The following KLHL32 variants were observed in gnomAD, a reference collection of about 807,000 sequenced individuals.
The protein encoded by KLHL32 is kelch like family member 32, also known as kelch-like protein 32.
KLHL32 carries 35 observed loss-of-function variants against 64.8 expected under a neutral mutation model. The observed-to-expected ratio is 0.54, with a 90% confidence interval of 0.41 to 0.72. The LOEUF is 0.72. Ranked by LOEUF, KLHL32 falls within the 30% of genes least tolerant of loss-of-function variation. The probability of loss-of-function intolerance (pLI) is 0.00; values close to 1 mark genes in which losing one functional copy is unlikely to be tolerated. For missense variants in KLHL32, 589 were observed against 768.5 expected (o/e 0.77, Z 2.76); for synonymous variants, 259 against 281.0 (o/e 0.92, Z 0.78).
chr6:96,976,314 G>A, intron 3 of KLHL32, 137 bp downstream of exon 3: 1 of 778,850 alleles, frequency 1.3e-6, no homozygotes, highest in Non-Finnish European at 1.9e-6. Context: ...TCTTTCCTGG[G>A]TAGAATGCTT....
Position 97,139,484 on chromosome 6 carries a change from T to C in KLHL32, c.*202T>C. On this transcript the variant is annotated 3_prime_UTR_variant, in exon 11 of 11. Coordinates refer to ENST00000369261, the MANE Select transcript of KLHL32 (RefSeq NM_052904.4). ...TCAGTGTATGTCAACATTCAATATG[T>C]ATGACTTTTATTGTGGTATAGCTTA... 1.8e-6 allele frequency: 1 copy of C among 543,886 alleles called. No individual in the cohort carries two copies. Among genetic ancestry groups the C allele is most frequent in the African/African-American group, 1.9e-5 (1 of 52,490 alleles). The allele number at this position is 543,886 out of a possible 1,614,324, so 33.7% of individuals were successfully genotyped here. A position where few individuals can be genotyped will look rare whatever the true frequency, so the allele number is the denominator to read the frequency against.
chr6:97,073,288 T>C (rs1232117040), intron 5 of KLHL32, among the ~76,000 whole-genome samples: 1 of 152,212 alleles, frequency 6.6e-6, no homozygotes, highest in African/African-American at 2.4e-5. Flanking sequence ...TCTTAGCCAC[T>C]TCTCTTTGAT....
chr6:97,100,966 C>CTTTTTTTTTTTTTTTTTTTTT lies in KLHL32; in HGVS notation c.628-12816_628-12796dup, dbSNP rs58422496. Among the ~76,000 whole-genome samples the CTTTTTTTTTTTTTTTTTTTTT allele has an allele frequency of 2.9e-5, 2 of 69,472 alleles. 1 individual carries two copies. Among genetic ancestry groups the CTTTTTTTTTTTTTTTTTTTTT allele is most frequent in the African/African-American group, 1.4e-4 (2 of 14,082 alleles). The allele number at this position is 69,472 out of a possible 152,430, so 45.6% of individuals were successfully genotyped here. A position where few individuals can be genotyped will look rare whatever the true frequency, so the allele number is the denominator to read the frequency against. On this transcript the variant is annotated intron_variant, in intron 6 of 10. Coordinates refer to ENST00000369261, the MANE Select transcript of KLHL32 (RefSeq NM_052904.4). ...ACAGGCATGTGCCACTGCAGCCAAGCTTTTTTTTTTTTTTTTTTTTTGGTA... is the reference window on the plus strand; with the variant it reads ...ACAGGCATGTGCCACTGCAGCCAAGCTTTTTTTTTTTTTTTTTTTTTTTTTTTTTTTTTTTTTTTTTTGGTA...
chr6:97,085,536 C>A (rs1322604579), intron 6 of KLHL32, among the ~76,000 whole-genome samples, 195 bp downstream of exon 6: 3 of 152,212 alleles, frequency 2.0e-5, no homozygotes, highest in Non-Finnish European at 2.9e-5. Context: ...GCGGACTCTG[C>A]CGCTTAACTC....
chr6:97,005,492 T>C lies in KLHL32; in HGVS notation c.204+29315T>C, dbSNP rs559176237. On this transcript the variant is annotated intron_variant, in intron 3 of 10. Coordinates refer to ENST00000369261, the MANE Select transcript of KLHL32 (RefSeq NM_052904.4). The stretch of plus-strand genomic sequence containing the variant: ...ATCTCAATTTCATTCGATTCAGCTC[T>C]GATTTTGGTTATTTCTTGTCTTCTG... 1.2e-3 allele frequency among the ~76,000 whole-genome samples: 188 copies of C among 152,340 alleles called. 3 individuals carry two copies. Among genetic ancestry groups the C allele is most frequent in the African/African-American group, 4.3e-3 (180 of 41,588 alleles).
At chr6:97,096,349 G>A (rs1307568803) in intron 6 of KLHL32, among the ~76,000 whole-genome samples, 2 of 152,146 alleles carry the variant, frequency 1.3e-5, no homozygotes, top group African/African-American at 2.4e-5. Context: ...GCTTTCCTTT[G>A]TTTTGCAGCA....
chr6:97,109,182 A>G lies in KLHL32; in HGVS notation c.628-4601A>G, dbSNP rs186522014. Among the ~76,000 whole-genome samples, 322 of 152,306 alleles carry G rather than the reference A, an allele frequency of 2.1e-3. 15 individuals are homozygous for G. In the South Asian group the frequency reaches 0.059, roughly 28 times the overall value. ...AGAAACCCCCGTGTAATTTGTGTACATGTTAAGTTTGTAGTTGGTGACAAG... is the reference window on the plus strand; with the variant it reads ...AGAAACCCCCGTGTAATTTGTGTACGTGTTAAGTTTGTAGTTGGTGACAAG... On this transcript the variant is annotated intron_variant, in intron 6 of 10. Transcript: ENST00000369261.
In KLHL32 at chr6:97,130,925, CGTT is replaced by C. The variant is rs1562367908; in HGVS notation, c.1585_1587del (p.Cys529del). On this transcript the variant is annotated inframe_deletion, in exon 9 of 11. Transcript: ENST00000369261. ...CAACATAGACACTGACCAGTGGACACGTTGTAATTTCAACCTGCTGACTGGCAA... is the reference window on the plus strand; with the variant it reads ...CAACATAGACACTGACCAGTGGACACGTAATTTCAACCTGCTGACTGGCAA... 3 of 1,611,868 alleles carry C rather than the reference CGTT, an allele frequency of 1.9e-6. No homozygotes were observed. Among genetic ancestry groups the C allele is most frequent in the Non-Finnish European group, 2.5e-6 (3 of 1,179,036 alleles).
At chr6:97,079,559 A>C (rs940583208) in intron 5 of KLHL32, among the ~76,000 whole-genome samples, 1 of 152,148 alleles carries the variant, frequency 6.6e-6, no homozygotes, top group African/African-American at 2.4e-5. Context: ...AAGAGGCCAC[A>C]CAGAAAGACT....
intron 3 of KLHL32, among the ~76,000 whole-genome samples, chr6:97,028,249 C>T (rs1224156996): frequency 6.6e-6 from 1 of 152,050 alleles, no homozygotes; most frequent in East Asian, 1.9e-4. Flanking sequence ...TTGGCAATAC[C>T]AATGCTGCTA....
chr6:97,133,501 G>A (rs1483191255), intron 10 of KLHL32, among the ~76,000 whole-genome samples: 1 of 152,146 alleles, frequency 6.6e-6, no homozygotes, highest in African/African-American at 2.4e-5. Flanking sequence ...TTTATGGGAA[G>A]ATTTTTAACA....
the KLHL32 span, among the ~76,000 whole-genome samples, chr6:96,899,282 C>G: frequency 1.3e-5 from 2 of 152,156 alleles, no homozygotes; most frequent in Non-Finnish European, 2.9e-5. Context: ...ATCTTTGATA[C>G]TTTTAAGCAT....
intron 3 of KLHL32, among the ~76,000 whole-genome samples, chr6:97,033,289 G>A (rs944662342): frequency 6.6e-6 from 1 of 152,078 alleles, no homozygotes; most frequent in Non-Finnish European, 1.5e-5. Flanking sequence ...GTCTTTCTGT[G>A]TCTAGTTTAT....
intron 1 of KLHL32, among the ~76,000 whole-genome samples, chr6:96,961,022 A>G (rs2128025318): frequency 6.6e-6 from 1 of 152,326 alleles, no homozygotes; most frequent in South Asian, 2.1e-4. Flanking sequence ...TGGATCAGGA[A>G]AAAAATGAAG....
intron 2 of KLHL32, among the ~76,000 whole-genome samples, chr6:96,969,139 G>A (rs1774831730): frequency 6.6e-6 from 1 of 152,112 alleles, no homozygotes; most frequent in South Asian, 2.1e-4. Context: ...CAGCCTGGAG[G>A]ATATGTCTGC....
intron 3 of KLHL32, among the ~76,000 whole-genome samples, chr6:97,030,892 A>T (rs184327728): frequency 6.6e-6 from 1 of 152,362 alleles, no homozygotes; most frequent in Admixed American, 6.5e-5. Context: ...ATGAGTTTTG[A>T]AGATGATATT....
At chr6:97,001,504 A>G (rs1428116979) in intron 3 of KLHL32, among the ~76,000 whole-genome samples, 3 of 152,020 alleles carry the variant, frequency 2.0e-5, no homozygotes, top group Non-Finnish European at 2.9e-5. Flanking sequence ...CAGGGTCTTT[A>G]TCACTCAGAC....
At chr6:97,127,319 T>G in intron 7 of KLHL32, 85 bp from the exon 8 acceptor site, 2 of 1,123,276 alleles carry the variant, frequency 1.8e-6, no homozygotes, top group South Asian at 1.3e-5. Flanking sequence ...AGTAGCTAAT[T>G]CTCCTTTAAT....
Position 97,113,964 on chromosome 6 carries a change from G to C in KLHL32, c.809G>C (p.Ser270Thr). 1 of 1,614,192 alleles carries C rather than the reference G, an allele frequency of 6.2e-7. No individual in the cohort carries two copies. The highest frequency in any genetic ancestry group is 8.5e-7 in the Non-Finnish European group (1 of 1,180,040). ...AACGAGGCCCTGGAATACCACCAGA[G>C]CATCTATGCACAGCCTGTCTGGCAG... ...LVNEALEYHQ[S>T]IYAQPVWQTR... The change falls in exon 7 of 11, where the codon AGC (serine) becomes ACC (threonine). Residue 270 changes from serine (S) to threonine (T), a missense_variant. By Grantham distance (58) the Ser-to-Thr change is moderately conservative (BLOSUM62 1). Around this residue, in one of 3 missense-constraint regions of KLHL32, gnomAD observed 226 missense variants for 353.2 expected, o/e 0.64. Coordinates refer to ENST00000369261, the MANE Select transcript of KLHL32 (RefSeq NM_052904.4).
Sources: allele counts gnomAD v4.1 joint callset (sites outside exome capture counted in the v4.1 genomes callset), GRCh38; gene constraint gnomAD v4.1.1; regional missense constraint gnomAD v4.1.1; transcripts MANE v1.5; gene names NCBI Gene and HGNC (gene_info 2026-07-23, HGNC 2026-07-21).